The following TMEM87A variants were observed in gnomAD, a reference collection of about 807,000 sequenced individuals.
The protein encoded by TMEM87A is Golgi-pH regulating cation channel.
In TMEM87A, 50 loss-of-function variants were observed where a neutral mutation model predicts 90.0. The ratio of observed to expected loss-of-function variants is 0.56; its 90% CI spans 0.44 to 0.70. The LOEUF (loss-of-function observed/expected upper bound fraction) is 0.70. TMEM87A is among the 30% of genes least tolerant of loss of function. The probability of loss-of-function intolerance (pLI) is 0.00; values close to 1 mark genes in which losing one functional copy is unlikely to be tolerated. For missense variants in TMEM87A, 577 were observed against 660.5 expected, an observed-to-expected ratio of 0.87 and a Z score of 1.39; for synonymous variants, 226 against 226.7, an observed-to-expected ratio of 1.00 and a Z score of 0.03.
intron 19 of TMEM87A, among the ~76,000 whole-genome samples, chr15:42,215,650 T>C (rs1490296228): frequency 2.0e-5 from 3 of 152,014 alleles, no homozygotes; most frequent in East Asian, 3.9e-4. Context: ...AAAATGCTCA[T>C]CATCACTAAT....
chr15:42,231,220 G>C lies in TMEM87A; in HGVS notation c.1103C>G (p.Ala368Gly). The change falls in exon 12 of 20, where the codon GCT becomes GGT. Residue 368 changes from alanine (A) to glycine (G), a missense_variant. Coordinates refer to ENST00000389834, the MANE Select transcript of TMEM87A (RefSeq NM_015497.5). ...CCAGCACAAGGCAGTGTCTAGGAAA[G>C]CCAAGGGGATAAAGGCCAAGGAAGC... ...DLASLAFIPL[A>G]FLDTALCWWI... The C allele has an allele frequency of 6.3e-7, 1 of 1,595,120 alleles. No homozygotes were observed. Among genetic ancestry groups the C allele is most frequent in the Non-Finnish European group, 8.5e-7 (1 of 1,172,488 alleles).
Position 42,218,582 on chromosome 15 carries a change from A to G in TMEM87A, c.1540-204T>C, listed in dbSNP as rs187662646. Among the ~76,000 whole-genome samples, 17 of 152,314 alleles carry G rather than the reference A, an allele frequency of 1.1e-4. No homozygotes were observed. The East Asian group carries it at 3.3e-3, about 29-fold the overall frequency. On this transcript the variant is annotated intron_variant, in intron 17 of 19. Transcript: ENST00000389834. ...ACCAACATCTCCCCAGTTCTCCCAT[A>G]GCCCCTGGTAACCAGCACTCAACCC...
intron 15 of TMEM87A, among the ~76,000 whole-genome samples, chr15:42,220,435 T>G (rs751957560): frequency 2.6e-5 from 4 of 152,204 alleles, no homozygotes; most frequent in Non-Finnish European, 4.4e-5. Context: ...CAATAGAACA[T>G]TACTCATAGG....
chr15:42,266,318 C>G (rs1300653362), intron 3 of TMEM87A, among the ~76,000 whole-genome samples: 1 of 152,080 alleles, frequency 6.6e-6, no homozygotes, highest in Non-Finnish European at 1.5e-5. Context: ...GAGTTTGAGA[C>G]CAGCCTGGCC....
At chr15:42,240,194 T>C (rs1181925190) in intron 7 of TMEM87A, among the ~76,000 whole-genome samples, 2 of 152,232 alleles carry the variant, frequency 1.3e-5, no homozygotes, top group Non-Finnish European at 2.9e-5. Context: ...CTCACCTGTA[T>C]TTTCCTATTG....
chr15:42,236,505 T>C, intron 9 of TMEM87A, 86 bp from the exon 10 acceptor site: 1 of 1,086,256 alleles, frequency 9.2e-7, no homozygotes, highest in Non-Finnish European at 1.4e-6. Flanking sequence ...CTTTCTACAC[T>C]CTTCAGAATA....
chr15:42,242,400 C>T (rs932090198), intron 7 of TMEM87A, among the ~76,000 whole-genome samples: 1 of 152,122 alleles, frequency 6.6e-6, no homozygotes, highest in Non-Finnish European at 1.5e-5. Flanking sequence ...GCTTCTCTTC[C>T]AGCCTTTTCA....
Position 42,217,826 on chromosome 15 carries a change from G to A in TMEM87A, c.1603C>T (p.Pro535Ser). 1 of 1,612,946 alleles carries A rather than the reference G, an allele frequency of 6.2e-7. No individual in the cohort carries two copies. The highest frequency in any genetic ancestry group is 8.5e-7 in the Non-Finnish European group (1 of 1,179,728). Reference protein sequence around the residue: ...VPSSVTDVALPALLDSDEERM... With the variant: ...VPSSVTDVALSALLDSDEERM... The stretch of plus-strand genomic sequence containing the variant: ...ACCTCATCTGAATCCAGAAGGGCTG[G>A]AAGTGCTCTGCAAAGAGAGAGAAAT... Residue 535 changes from proline to serine, a missense_variant, in exon 19 of 20, where the codon CCA (proline) becomes TCA (serine). Transcript: ENST00000389834.
intron 7 of TMEM87A, among the ~76,000 whole-genome samples, chr15:42,243,412 A>G (rs1009531379): frequency 6.6e-6 from 1 of 151,836 alleles, no homozygotes; most frequent in African/African-American, 2.4e-5. Flanking sequence ...AAGTTCTTGG[A>G]AATTCCACGT....
At chr15:42,233,710 C>T (rs2050725268) in intron 10 of TMEM87A, among the ~76,000 whole-genome samples, 1 of 152,068 alleles carries the variant, frequency 6.6e-6, no homozygotes, top group Admixed American at 6.6e-5. Flanking sequence ...TGATATATTT[C>T]AGTATGTGTT....
chr15:42,258,454 A>C (rs923656871), intron 6 of TMEM87A: 15 of 592,680 alleles, frequency 2.5e-5, no homozygotes, highest in Non-Finnish European at 2.8e-5. Context: ...TTGAGATGGA[A>C]TCTCACTGGC....
At chr15:42,259,169 C>G (rs1380079985) in intron 6 of TMEM87A, among the ~76,000 whole-genome samples, 5 of 152,196 alleles carry the variant, frequency 3.3e-5, no homozygotes, top group Non-Finnish European at 7.3e-5. Context: ...GTTGCCTAGG[C>G]TGGAGTGCAG....
intron 15 of TMEM87A, among the ~76,000 whole-genome samples, chr15:42,221,638 G>A (rs1229333832): frequency 6.6e-6 from 1 of 152,106 alleles, no homozygotes; most frequent in Admixed American, 6.5e-5. Context: ...AGGAGGCTGA[G>A]GTAGGAGGAT....
chr15:42,244,895 A>C (rs891899149), intron 6 of TMEM87A, among the ~76,000 whole-genome samples: 23 of 151,438 alleles, frequency 1.5e-4, no homozygotes, highest in East Asian at 2.0e-4. Context: ...ATCTGTTCTT[A>C]AAAGGAGAAA....
At chr15:42,221,627 G>A (rs888056683) in intron 15 of TMEM87A, among the ~76,000 whole-genome samples, 4 of 152,062 alleles carry the variant, frequency 2.6e-5, no homozygotes, top group African/African-American at 9.7e-5. Context: ...CTCAGCTACT[G>A]AGGAGGCTGA....
intron 15 of TMEM87A, among the ~76,000 whole-genome samples, chr15:42,220,454 G>C (rs1407261274): frequency 6.6e-6 from 1 of 152,152 alleles, no homozygotes; most frequent in Non-Finnish European, 1.5e-5. Flanking sequence ...GGGGTGTTTT[G>C]TAAAAGTAAG....
At chr15:42,222,389 G>A (rs971656669) in intron 15 of TMEM87A, among the ~76,000 whole-genome samples, 1 of 152,080 alleles carries the variant, frequency 6.6e-6, no homozygotes, top group Non-Finnish European at 1.5e-5. Context: ...CAGGTAGTAT[G>A]CAGCTGAGCC....
At chr15:42,211,991 T>A (rs1321076600) in intron 19 of TMEM87A, among the ~76,000 whole-genome samples, 1 of 150,794 alleles carries the variant, frequency 6.6e-6, no homozygotes, top group Non-Finnish European at 1.5e-5. Flanking sequence ...CAGAAGGAAA[T>A]GTATAGAGTC....
At chr15:42,221,220 G>C (rs1356318435) in intron 15 of TMEM87A, among the ~76,000 whole-genome samples, 2 of 151,796 alleles carry the variant, frequency 1.3e-5, no homozygotes, top group Non-Finnish European at 2.9e-5. Flanking sequence ...CTGCACTCCA[G>C]CCTGGGCGAC....
Sources: allele counts gnomAD v4.1 joint callset (sites outside exome capture counted in the v4.1 genomes callset), GRCh38; gene constraint gnomAD v4.1.1; transcripts MANE v1.5; gene names NCBI Gene and HGNC (gene_info 2026-07-23, HGNC 2026-07-21).